The following EYA1 variants were observed in gnomAD, a reference collection of about 807,000 sequenced individuals.
EYA1 encodes protein phosphatase EYA1.
Under a neutral mutation model 82.0 loss-of-function variants are expected in EYA1, and 16 were observed. The ratio of observed to expected loss-of-function variants is 0.20; its 90% confidence interval spans 0.13 to 0.30. The LOEUF is 0.30. EYA1 is among the 10% of genes least tolerant of loss of function. The pLI, the probability that EYA1 is intolerant of heterozygous loss-of-function variation, is 1.00. For synonymous variants in EYA1, 261 were observed against 264.4 expected, an observed-to-expected ratio of 0.99 and a Z score of 0.12; for missense variants, 633 against 730.7, an observed-to-expected ratio of 0.87 and a Z score of 1.54.
intron 14 of EYA1, 43 bp from the exon 15 acceptor site, chr8:71,215,771 A>G (rs760666558): frequency 7.5e-7 from 1 of 1,341,894 alleles, no homozygotes; most frequent in Admixed American, 1.7e-5. Flanking sequence ...CCTGACCAAC[A>G]TATTTCTTCG....
chr8:71,353,075 A>T (rs1826465355), intron 3 of EYA1, among the ~76,000 whole-genome samples: 2 of 152,352 alleles, frequency 1.3e-5, no homozygotes, highest in South Asian at 2.1e-4. Context: ...TAACATACTT[A>T]GTCTTCCTTA....
chr8:71,291,552 GCATT>G (rs1483870238), intron 9 of EYA1, among the ~76,000 whole-genome samples: 5 of 152,164 alleles, frequency 3.3e-5, no homozygotes, highest in South Asian at 4.1e-4. Context: ...CTTTTCTACG[GCATT>G]CATACTAAAT....
At chr8:71,505,084 C>T (rs948343360) in intron 2 of EYA1, among the ~76,000 whole-genome samples, 2 of 152,182 alleles carry the variant, frequency 1.3e-5, no homozygotes, top group Non-Finnish European at 2.9e-5. Flanking sequence ...ACCACCATGC[C>T]TACCTGCCTC....
At chr8:71,391,333 C>A (rs1829270773) in intron 2 of EYA1, among the ~76,000 whole-genome samples, 1 of 152,132 alleles carries the variant, frequency 6.6e-6, no homozygotes, top group African/African-American at 2.4e-5. Context: ...TGAGAACTCC[C>A]ATCTTCCTGT....
chr8:71,215,459 A>T lies in EYA1; in HGVS notation c.1525T>A (p.Leu509Met). ...AACCCATACAGCAGGACTTTCGCCAATGCTGGGATGAGCTGAGTAGTTGTT... is the reference window on the plus strand; with the variant it reads ...AACCCATACAGCAGGACTTTCGCCATTGCTGGGATGAGCTGAGTAGTTGTT... ...LVTTTQLIPA[L>M]AKVLLYGLGI... The change falls in exon 16 of 18, where the codon TTG becomes ATG. Residue 509 changes from leucine (L) to methionine (M), a missense_variant. Physicochemically the swap from Leu to Met is conservative, Grantham distance 15 (BLOSUM62 2). Coordinates refer to ENST00000340726, the MANE Select transcript of EYA1 (RefSeq NM_000503.6). 1 of 1,613,536 alleles carries T rather than the reference A, an allele frequency of 6.2e-7. No individual in the cohort carries two copies. Among genetic ancestry groups the T allele is most frequent in the African/African-American group, 1.3e-5 (1 of 75,060 alleles).
chr8:71,303,867 T>C lies in EYA1; in HGVS notation c.557-4147A>G, dbSNP rs1820459858. ...ACAGGGTGTATGATCATTCCCATTT[T>C]GCAGATAAGGAAACGGAGGGTCAGG... On this transcript the variant is annotated intron_variant, in intron 7 of 17. Coordinates refer to ENST00000340726, the MANE Select transcript of EYA1 (RefSeq NM_000503.6). Among the ~76,000 whole-genome samples the C allele has an allele frequency of 2.1e-5, 3 of 142,628 alleles. 1 individual carries two copies. Among genetic ancestry groups the C allele is most frequent in the Middle Eastern group, 7.1e-3 (2 of 282 alleles). The allele number at this position is 142,628 out of a possible 152,430, so 93.6% of individuals were successfully genotyped here. A position where few individuals can be genotyped will look rare whatever the true frequency, so the allele number is the denominator to read the frequency against.
chr8:71,441,353 T>C (rs938886355), intron 2 of EYA1, among the ~76,000 whole-genome samples: 3 of 152,112 alleles, frequency 2.0e-5, no homozygotes, highest in Non-Finnish European at 4.4e-5. Context: ...GAGGCTGCAG[T>C]GAGCTGTGAG....
chr8:71,495,912 G>A (rs746255154), intron 2 of EYA1, among the ~76,000 whole-genome samples: 43 of 152,230 alleles, frequency 2.8e-4, no homozygotes, highest in Admixed American at 4.6e-4. Context: ...ACAACCCCAC[G>A]AGCAGTGTGG....
At chr8:71,433,613 G>T (rs1805789814) in intron 2 of EYA1, among the ~76,000 whole-genome samples, 1 of 152,214 alleles carries the variant, frequency 6.6e-6, no homozygotes, top group African/African-American at 2.4e-5. Flanking sequence ...AATCCATGGG[G>T]ATTTCAGGGA....
intron 12 of EYA1, among the ~76,000 whole-genome samples, chr8:71,224,756 CACAGATGGCCTT>C (rs1810357823): frequency 6.6e-6 from 1 of 152,202 alleles, no homozygotes; most frequent in Non-Finnish European, 1.5e-5. Flanking sequence ...AACTAAATTA[CACAGATGGCCTT>C]ACAGGGTGAC....
At chr8:71,347,885 C>CAAAAA (rs5892271) in intron 3 of EYA1, among the ~76,000 whole-genome samples, 5 of 80,828 alleles carry the variant, frequency 6.2e-5, no homozygotes, top group Non-Finnish European at 1.2e-4. Context: ...TGGAGGCATG[C>CAAAAA]AAAAAAAAAA....
chr8:71,366,594 TCA>T (rs976051752), upstream of EYA1, among the ~76,000 whole-genome samples: 2 of 152,188 alleles, frequency 1.3e-5, no homozygotes, highest in African/African-American at 4.8e-5. Flanking sequence ...ACAGCTGAGT[TCA>T]CAGTTTTTAA....
Position 71,198,229 on chromosome 8 carries a change from A to ATTAT in EYA1, c.*1107_*1110dup, listed in dbSNP as rs1204038554. Reference sequence around the variant, plus strand: ...CTTTGTGGGAAGAAGCATTTGAATAATTATTTTTTCCAAGTAGTTACATAT... The same window carrying ATTAT: ...CTTTGTGGGAAGAAGCATTTGAATAATTATTTATTTTTTCCAAGTAGTTACATAT... On this transcript the variant is annotated 3_prime_UTR_variant, in exon 18 of 18. Transcript: ENST00000340726. 1.9e-4 allele frequency: 29 copies of ATTAT among 152,630 alleles called. No homozygotes were observed. The highest frequency in any genetic ancestry group is 1.9e-4 in the Non-Finnish European group (13 of 68,026). 9.5% of individuals were successfully genotyped at this position (152,630 alleles called of 1,614,324 possible).
chr8:71,397,062 T>C (rs1829666923), intron 2 of EYA1, among the ~76,000 whole-genome samples: 1 of 152,232 alleles, frequency 6.6e-6, no homozygotes, highest in Non-Finnish European at 1.5e-5. Flanking sequence ...TTGTCTCTTT[T>C]GATCTTTGTT....
At chr8:71,369,599 C>T (rs1400370325) in intron 2 of EYA1, among the ~76,000 whole-genome samples, 1 of 152,124 alleles carries the variant, frequency 6.6e-6, no homozygotes, top group Non-Finnish European at 1.5e-5. Flanking sequence ...AAAATAGCAA[C>T]AGAAAAGTTA....
At chr8:71,272,064 G>C (rs1301682536) in intron 9 of EYA1, among the ~76,000 whole-genome samples, 167 bp from the exon 10 acceptor site, 1 of 152,134 alleles carries the variant, frequency 6.6e-6, no homozygotes, top group East Asian at 1.9e-4. Context: ...TAAGATATCT[G>C]ATTACAAGAT....
At chr8:71,476,150 CA>C (rs1809644333) in intron 2 of EYA1, among the ~76,000 whole-genome samples, 1 of 152,078 alleles carries the variant, frequency 6.6e-6, no homozygotes, top group African/African-American at 2.4e-5. Context: ...ACCTTTTAAC[CA>C]TGTGATATTC....
chr8:71,388,040 T>A (rs1434882857), intron 2 of EYA1, among the ~76,000 whole-genome samples: 1 of 152,178 alleles, frequency 6.6e-6, no homozygotes, highest in Non-Finnish European at 1.5e-5. Flanking sequence ...ACATTGACTA[T>A]AATCTCATAA....
At chr8:71,356,229 TCA>T (rs1826862446) in intron 2 of EYA1, among the ~76,000 whole-genome samples, 1 of 152,200 alleles carries the variant, frequency 6.6e-6, no homozygotes, top group Non-Finnish European at 1.5e-5. Context: ...CATTACACAT[TCA>T]CAGTTTTCCT....
Sources: allele counts gnomAD v4.1 joint callset (sites outside exome capture counted in the v4.1 genomes callset), GRCh38; gene constraint gnomAD v4.1.1; transcripts MANE v1.5; gene names NCBI Gene and HGNC (gene_info 2026-07-23, HGNC 2026-07-21).